The following UNK variants were observed in gnomAD, a reference collection of about 807,000 sequenced individuals.
UNK encodes the protein RING finger protein unkempt homolog.
Under a neutral mutation model 97.6 loss-of-function variants are expected in UNK, and 32 were observed. That is an observed-to-expected ratio of 0.33 (90% CI 0.25 to 0.44). The LOEUF is 0.44. UNK is among the 20% of genes least tolerant of loss of function. The pLI, the probability that UNK is intolerant of heterozygous loss-of-function variation, is 1.00. For missense variants in UNK, 771 were observed against 1,098.4 expected (o/e 0.70, Z 4.21); for synonymous variants, 441 against 461.2 (o/e 0.96, Z 0.56).
intron 1 of UNK, among the ~76,000 whole-genome samples, chr17:75,788,823 A>G (rs779120065): frequency 3.9e-5 from 6 of 152,314 alleles, no homozygotes; most frequent in African/African-American, 1.4e-4. Context: ...CTTATACATT[A>G]ATTAATTTTG....
At position 75,815,952 on chromosome 17, in the gene UNK, T is replaced by C. The variant is rs538869653; in HGVS notation, c.961+699T>C. Among the ~76,000 whole-genome samples the C allele has an allele frequency of 9.2e-5, 14 of 152,256 alleles. No homozygotes were observed. The South Asian group carries it at 2.9e-3, about 32-fold the overall frequency. ...GGAAAATATGTTGTTAAATTAATTTTAATAACATATTTGTATTTAGCCCAA... is the reference window on the plus strand; with the variant it reads ...GGAAAATATGTTGTTAAATTAATTTCAATAACATATTTGTATTTAGCCCAA... On this transcript the variant is annotated intron_variant, in intron 7 of 15. Coordinates refer to ENST00000589666, the MANE Select transcript of UNK (RefSeq NM_001080419.3).
intron 6 of UNK, among the ~76,000 whole-genome samples, chr17:75,814,840 T>G (rs1201323399): frequency 2.6e-5 from 4 of 152,224 alleles, no homozygotes; most frequent in Non-Finnish European, 5.9e-5. Flanking sequence ...TGCCTGAGAT[T>G]GTGGCTCCCT....
Position 75,818,797 on chromosome 17 carries a change from C to T in UNK, c.1527C>T (p.Asp509=). ...CTCTGCCCTTCTACCCCACCAGCGA[C>T]ACGGTAGAGTCAGTCATAGGTAACT... The part of the protein sequence containing the change: ...ANALPFYPTS[D]TVESVIESAL... Residue 509 remains aspartate (D), a synonymous_variant, in exon 11 of 16, where the codon GAC becomes GAT. Coordinates refer to ENST00000589666, the MANE Select transcript of UNK (RefSeq NM_001080419.3). The surrounding 1 kb of genome is among the most constrained non-coding windows in gnomAD (Gnocchi z 5.1). The T allele has an allele frequency of 6.2e-7, 1 of 1,608,224 alleles. No individual in the cohort carries two copies. Among genetic ancestry groups the T allele is most frequent in the South Asian group, 1.1e-5 (1 of 90,088 alleles).
chr17:75,811,972 A>G, intron 2 of UNK, 140 bp from the exon 3 acceptor site: 2 of 1,075,700 alleles, frequency 1.9e-6, no homozygotes, highest in Non-Finnish European at 2.6e-6. Context: ...GCGACAGAGC[A>G]AGACTCCGTC....
Position 75,816,697 on chromosome 17 carries a change from A to G in UNK, c.962-73A>G. ...CAGGGGGATTTGTGGTCTCCTTTGGAAGGGACCCAGGAGCATTTTTGGAGG... is the reference window on the plus strand; with the variant it reads ...CAGGGGGATTTGTGGTCTCCTTTGGGAGGGACCCAGGAGCATTTTTGGAGG... On this transcript the variant is annotated intron_variant, in intron 7 of 15. Coordinates refer to ENST00000589666, the MANE Select transcript of UNK (RefSeq NM_001080419.3). The surrounding 1 kb of genome is among the most constrained non-coding windows in gnomAD (Gnocchi z 4.0). The G allele has an allele frequency of 6.6e-7, 1 of 1,507,662 alleles. No homozygotes were observed. The highest frequency in any genetic ancestry group is 8.8e-7 in the Non-Finnish European group (1 of 1,130,778). 93.4% of individuals were successfully genotyped at this position (1,507,662 alleles called of 1,614,324 possible). A position where few individuals can be genotyped will look rare whatever the true frequency, so the allele number is the denominator to read the frequency against.
intron 13 of UNK, 62 bp downstream of exon 13, chr17:75,820,170 C>A: frequency 6.6e-7 from 1 of 1,510,894 alleles, no homozygotes; most frequent in Non-Finnish European, 9.0e-7. Flanking sequence ...TTAGGAGGTG[C>A]CTCTGGCCAC....
intron 1 of UNK, among the ~76,000 whole-genome samples, chr17:75,798,732 A>G (rs2061829206): frequency 6.7e-6 from 1 of 150,300 alleles, no homozygotes; most frequent in African/African-American, 2.4e-5. Flanking sequence ...GTGGCTGTGC[A>G]TGGTGGCTCA....
At position 75,813,309 on chromosome 17, in the gene UNK, G is replaced by A. The variant is rs2061987380; in HGVS notation, c.758+96G>A. The A allele has an allele frequency of 1.5e-5, 22 of 1,454,748 alleles. No homozygotes were observed. In the South Asian group the frequency reaches 1.9e-4, roughly 13 times the overall value. 90.1% of individuals were successfully genotyped at this position (1,454,748 alleles called of 1,614,324 possible). ...CCACTGGCTCTCCGGGAGGAGGGGAGGCTGGTCCTGGGGATGACAGGATCG... is the reference window on the plus strand; with the variant it reads ...CCACTGGCTCTCCGGGAGGAGGGGAAGCTGGTCCTGGGGATGACAGGATCG... On this transcript the variant is annotated intron_variant, in intron 5 of 15. Coordinates refer to ENST00000589666, the MANE Select transcript of UNK (RefSeq NM_001080419.3).
chr17:75,795,788 G>A (rs1475679667), intron 1 of UNK, among the ~76,000 whole-genome samples: 2 of 152,204 alleles, frequency 1.3e-5, no homozygotes, highest in African/African-American at 4.8e-5. Context: ...AGGCCCCACA[G>A]GGCAAGGGGA....
At chr17:75,804,524 T>G (rs185546297) in intron 1 of UNK, among the ~76,000 whole-genome samples, 1 of 151,732 alleles carries the variant, frequency 6.6e-6, no homozygotes, top group East Asian at 2.0e-4. Flanking sequence ...TGGAAGAGAT[T>G]AAAAGAGAAG....
chr17:75,810,851 G>A (rs2061962380), intron 2 of UNK, among the ~76,000 whole-genome samples: 1 of 152,184 alleles, frequency 6.6e-6, no homozygotes, highest in South Asian at 2.1e-4. Flanking sequence ...GACCAGGCTA[G>A]TCTCGACCTC....
chr17:75,809,898 C>G lies in UNK; in HGVS notation c.243C>G (p.Thr81=), dbSNP rs1418437252. The G allele has an allele frequency of 1.2e-6, 2 of 1,613,760 alleles. No individual in the cohort carries two copies. Among genetic ancestry groups the G allele is most frequent in the African/African-American group, 2.7e-5 (2 of 74,956 alleles). The part of the protein sequence containing the change: ...RRRSIRRRDG[T]FNYSPDVYCT... ...GGTCCATCCGCCGTCGGGACGGCAC[C>G]TTCAATTACAGCCCTGACGTCTACT... The change falls in exon 2 of 16, where the codon ACC becomes ACG. Residue 81 remains threonine (T), a synonymous_variant. Transcript: ENST00000589666.
chr17:75,812,379 A>G, intron 3 of UNK, 76 bp from the exon 4 acceptor site: 1 of 1,582,540 alleles, frequency 6.3e-7, no homozygotes, highest in Non-Finnish European at 8.6e-7. Flanking sequence ...CTCAGACTGC[A>G]GTGGAGGGCT....
At chr17:75,823,770 C>T (rs1457231957) in intron 15 of UNK, among the ~76,000 whole-genome samples, 1 of 152,204 alleles carries the variant, frequency 6.6e-6, no homozygotes, top group Non-Finnish European at 1.5e-5. Context: ...CCTGACCAAG[C>T]TTCTCACAAA....
Position 75,812,135 on chromosome 17 carries a change from CAG to C in UNK, c.339_340del (p.Asp115HisfsTer2). 6.2e-7 allele frequency: 1 copy of C among 1,611,528 alleles called. No individual in the cohort carries two copies. The highest frequency in any genetic ancestry group is 8.5e-7 in the Non-Finnish European group (1 of 1,178,382). On this transcript the variant is annotated frameshift_variant, in exon 3 of 16. Coordinates refer to ENST00000589666, the MANE Select transcript of UNK (RefSeq NM_001080419.3). LOFTEE classifies it high-confidence loss of function. Reference sequence around the variant, plus strand: ...AGGTGCCCATTCCTGCACAGAACCACAGGGGACACTGAGCGCAGGTACCACCT... The same window carrying C: ...AGGTGCCCATTCCTGCACAGAACCACGGGACACTGAGCGCAGGTACCACCT...
intron 1 of UNK, among the ~76,000 whole-genome samples, chr17:75,808,222 C>G (rs375856479): frequency 1.3e-5 from 2 of 152,140 alleles, no homozygotes; most frequent in African/African-American, 4.8e-5. Flanking sequence ...AGGCGTGGTA[C>G]CTTTGTGTAG....
intron 1 of UNK, among the ~76,000 whole-genome samples, chr17:75,801,289 ATTTTAC>A (rs1173572105): frequency 2.0e-5 from 3 of 152,236 alleles, no homozygotes; most frequent in Non-Finnish European, 2.9e-5. Context: ...CACTTCAAGT[ATTTTAC>A]TTTTAAGGCT....
chr17:75,799,960 AAG>A (rs2061840530), intron 1 of UNK, among the ~76,000 whole-genome samples: 1 of 152,212 alleles, frequency 6.6e-6, no homozygotes, highest in Non-Finnish European at 1.5e-5. Flanking sequence ...TCTCCACAAA[AAG>A]GGGAAAAAAA....
At chr17:75,792,107 T>G in intron 1 of UNK, 8 of 971,574 alleles carry the variant, frequency 8.2e-6, no homozygotes, top group Non-Finnish European at 9.8e-6. Context: ...ACAGCACACA[T>G]CTGCAGGCTT....
Sources: gnomAD v4.1 joint callset for allele counts (sites outside exome capture counted in the v4.1 genomes callset) on GRCh38, gnomAD v4.1.1 for gene constraint, Gnocchi (gnomAD v3.1) non-coding constraint, MANE v1.5 for transcripts, NCBI Gene and HGNC (gene_info 2026-07-23, HGNC 2026-07-21) for gene names.